The following PIP5K1B variants were observed in gnomAD, a reference collection of about 807,000 sequenced individuals.
PIP5K1B encodes the protein phosphatidylinositol-4-phosphate 5-kinase type 1 beta.
Under a neutral mutation model 67.0 loss-of-function variants are expected in PIP5K1B, and 42 were observed. That is an observed-to-expected ratio of 0.63 (90% CI 0.49 to 0.81). PIP5K1B has a LOEUF of 0.81. Ranked by LOEUF, PIP5K1B falls within the 30% of genes least tolerant of loss-of-function variation. The pLI is 0.00. For synonymous variants in PIP5K1B, 214 were observed against 231.4 expected (o/e 0.92, Z 0.68); for missense variants, 459 against 646.3 (o/e 0.71, Z 3.14).
intron 8 of PIP5K1B, among the ~76,000 whole-genome samples, chr9:68,906,601 A>C (rs1825625140): frequency 6.6e-6 from 1 of 152,238 alleles, no homozygotes; most frequent in Non-Finnish European, 1.5e-5. Context: ...ATAGCTACTC[A>C]GGCTACAGAG....
intron 15 of PIP5K1B, among the ~76,000 whole-genome samples, chr9:69,004,337 TTGTG>T (rs56680798): frequency 0.12 from 17,197 of 148,300 alleles, 1,290 homozygotes; most frequent in East Asian, 0.36. Context: ...GTGTGTGTTT[TTGTG>T]TGTGTGTGTG....
At chr9:68,973,499 G>T (rs181631484) in intron 14 of PIP5K1B, among the ~76,000 whole-genome samples, 2 of 152,148 alleles carry the variant, frequency 1.3e-5, no homozygotes, top group East Asian at 3.9e-4. Context: ...ATAGGAAAAG[G>T]GTATATAGTT....
intron 14 of PIP5K1B, among the ~76,000 whole-genome samples, chr9:68,959,613 C>G (rs1411981648): frequency 2.0e-5 from 3 of 152,078 alleles, no homozygotes; most frequent in African/African-American, 7.2e-5. Flanking sequence ...TCACAGTAAC[C>G]CTTCTCATCC....
chr9:68,882,156 A>T (rs1824230447), intron 6 of PIP5K1B, among the ~76,000 whole-genome samples: 1 of 152,236 alleles, frequency 6.6e-6, no homozygotes, highest in Non-Finnish European at 1.5e-5. Context: ...TGGAAGGTGC[A>T]TAAAACCCAG....
At chr9:68,981,403 A>C (rs973865678) in intron 14 of PIP5K1B, among the ~76,000 whole-genome samples, 4 of 146,966 alleles carry the variant, frequency 2.7e-5, no homozygotes, top group African/African-American at 9.9e-5. Context: ...ATCAAAAGAC[A>C]TGAAGGGAAT....
intron 1 of PIP5K1B, among the ~76,000 whole-genome samples, chr9:68,724,237 GTTT>G (rs61401691): frequency 4.7e-4 from 68 of 145,558 alleles, no homozygotes; most frequent in Non-Finnish European, 5.7e-4. Context: ...TTTTTTTTGG[GTTT>G]TTTTTTTTTT....
At chr9:68,797,952 G>A (rs1277078595) in intron 2 of PIP5K1B, among the ~76,000 whole-genome samples, 1 of 152,160 alleles carries the variant, frequency 6.6e-6, no homozygotes, top group Non-Finnish European at 1.5e-5. Flanking sequence ...CTGTAAGAGA[G>A]CCATAATGAT....
intron 12 of PIP5K1B, among the ~76,000 whole-genome samples, chr9:68,927,044 T>C (rs940536797): frequency 2.0e-5 from 3 of 152,232 alleles, no homozygotes; most frequent in African/African-American, 7.2e-5. Flanking sequence ...AACTTTTCTG[T>C]TTGGCTTTTT....
chr9:68,789,284 C>T (rs1485001299), intron 2 of PIP5K1B: 5 of 422,460 alleles, frequency 1.2e-5, no homozygotes, highest in Admixed American at 8.9e-5. Flanking sequence ...GGATATTTGA[C>T]TCGGTAGCCA....
At chr9:68,827,843 G>A (rs7031640) in intron 4 of PIP5K1B, among the ~76,000 whole-genome samples, 46,577 of 152,006 alleles carry the variant, frequency 0.31, 7,250 homozygotes, top group South Asian at 0.38. Context: ...AAGGAAGCAG[G>A]AGGCGCAGGG....
chr9:68,819,914 A>G (rs1206577821), intron 3 of PIP5K1B, among the ~76,000 whole-genome samples: 2 of 152,192 alleles, frequency 1.3e-5, no homozygotes, highest in Non-Finnish European at 2.9e-5. Flanking sequence ...CTTAAAAGGA[A>G]GTGTTTTAAA....
chr9:68,775,857 G>C (rs1830891540), intron 2 of PIP5K1B, among the ~76,000 whole-genome samples: 1 of 152,034 alleles, frequency 6.6e-6, no homozygotes, highest in African/African-American at 2.4e-5. Flanking sequence ...CCATGTTGTT[G>C]GGTAAAGAGT....
intron 1 of PIP5K1B, among the ~76,000 whole-genome samples, chr9:68,707,397 A>G (rs1043966109): frequency 1.3e-5 from 2 of 152,216 alleles, no homozygotes; most frequent in Non-Finnish European, 2.9e-5. Context: ...ACTTTTTACC[A>G]TGTAAACACA....
rs1564311765 is a variant in PIP5K1B, at chr9:69,004,337, T to TGTGTGTGTGTG, written c.1621-4110_1621-4109insGTGTGTGTGTG. Among the ~76,000 whole-genome samples the TGTGTGTGTGTG allele has an allele frequency of 1.6e-3, 235 of 148,368 alleles. 1 individual carries two copies. Among genetic ancestry groups the TGTGTGTGTGTG allele is most frequent in the African/African-American group, 4.8e-3 (191 of 39,968 alleles). On this transcript the variant is annotated intron_variant, in intron 15 of 15. Coordinates refer to ENST00000265382, the MANE Select transcript of PIP5K1B (RefSeq NM_003558.4). ...TTTGTGGGCGTGTGTGTGTGTGTTT[T>TGTGTGTGTGTG]TGTGTGTGTGTGTGTGTGTGTGTGT... is the stretch of plus-strand genomic sequence containing the variant.
intron 2 of PIP5K1B, among the ~76,000 whole-genome samples, chr9:68,777,227 TTCATTCATTA>T (rs1468810921): frequency 1.3e-5 from 2 of 152,228 alleles, no homozygotes; most frequent in East Asian, 3.8e-4. Context: ...AATCCATCCT[TTCATTCATTA>T]TCATGCATTC....
intron 6 of PIP5K1B, among the ~76,000 whole-genome samples, chr9:68,887,681 A>C (rs1824547189): frequency 6.6e-6 from 1 of 152,222 alleles, no homozygotes; most frequent in African/African-American, 2.4e-5. Context: ...TTAAGACCAG[A>C]AGCTTGCCAT....
At chr9:68,763,649 T>C (rs191831652) in intron 2 of PIP5K1B, among the ~76,000 whole-genome samples, 1 of 152,280 alleles carries the variant, frequency 6.6e-6, no homozygotes, top group East Asian at 1.9e-4. Flanking sequence ...AAACTCCGTG[T>C]CATCATTTAG....
intron 2 of PIP5K1B, among the ~76,000 whole-genome samples, chr9:68,754,175 C>CTTTTCTTTTTTTTTTTTTT (rs1829792708): frequency 9.9e-6 from 1 of 101,076 alleles, no homozygotes; most frequent in Non-Finnish European, 1.9e-5. Flanking sequence ...TCCATGATTT[C>CTTTTCTTTTTTTTTTTTTT]TTTTTTTTTT....
At chr9:68,771,787 A>G (rs926875678) in intron 2 of PIP5K1B, among the ~76,000 whole-genome samples, 6 of 152,242 alleles carry the variant, frequency 3.9e-5, no homozygotes, top group Non-Finnish European at 8.8e-5. Flanking sequence ...AAGAAAAAAA[A>G]TCTGTACCAT....
Sources: allele counts gnomAD v4.1 joint callset (sites outside exome capture counted in the v4.1 genomes callset), GRCh38; gene constraint gnomAD v4.1.1; transcripts MANE v1.5; gene names NCBI Gene and HGNC (gene_info 2026-07-23, HGNC 2026-07-21).